The following KRAS variants were observed in gnomAD, a reference collection of about 807,000 sequenced individuals.
The protein encoded by KRAS is GTPase KRas.
A neutral mutation model predicts 21.0 loss-of-function variants in KRAS; 1 was observed. The observed-to-expected ratio is 0.05, with a 90% confidence interval of 0.02 to 0.23. The LOEUF (loss-of-function observed/expected upper bound fraction) is 0.23, where lower values mean the gene tolerates loss of function less well. KRAS is among the 10% of genes least tolerant of loss of function. The pLI, the probability that KRAS is intolerant of heterozygous loss-of-function variation, is 1.00. For missense variants in KRAS, 107 were observed against 221.8 expected (o/e 0.48, Z 3.29); for synonymous variants, 67 against 72.5 (o/e 0.92, Z 0.39).
intron 4 of KRAS, among the ~76,000 whole-genome samples, chr12:25,221,018 C>A: frequency 1.3e-5 from 1 of 78,420 alleles, no homozygotes; most frequent in Non-Finnish European, 2.4e-5. Flanking sequence ...GAGGGAGACT[C>A]TGCCTCAAAA....
intron 4 of KRAS, among the ~76,000 whole-genome samples, chr12:25,220,245 T>A (rs1456624539): frequency 6.6e-6 from 1 of 152,168 alleles, no homozygotes. Context: ...GTGAACTAGG[T>A]AACAGTCCTT....
At chr12:25,243,199 T>G (rs930438335) in intron 2 of KRAS, among the ~76,000 whole-genome samples, 1 of 152,118 alleles carries the variant, frequency 6.6e-6, no homozygotes, top group Non-Finnish European at 1.5e-5. Context: ...AACCAACTAT[T>G]TAACTACTAA....
chr12:25,217,599 G>A (rs1362495388), intron 4 of KRAS, among the ~76,000 whole-genome samples: 2 of 152,032 alleles, frequency 1.3e-5, no homozygotes, highest in East Asian at 1.9e-4. Flanking sequence ...AACTACATTC[G>A]TTGGCACTTT....
rs140046512 is a variant in KRAS at position 25,245,458 on chromosome 12, C to A, written c.-11-63G>T. 25 of 1,430,192 alleles carry A rather than the reference C, an allele frequency of 1.7e-5. No individual in the cohort carries two copies. The African/African-American group carries it at 2.8e-4, about 16-fold the overall frequency. The allele number at this position is 1,430,192 out of a possible 1,614,324, so 88.6% of individuals were successfully genotyped here. A position where few individuals can be genotyped will look rare whatever the true frequency, so the allele number is the denominator to read the frequency against. The stretch of plus-strand genomic sequence containing the variant: ...ACATGTCACACATAAGGTTAATACA[C>A]TATCAAATACTCCACCAGTACCTTT... On this transcript the variant is annotated intron_variant, in intron 1 of 4. Coordinates refer to ENST00000311936, the MANE Select transcript of KRAS (RefSeq NM_004985.5).
chr12:25,249,513 A>G (rs1456900691), intron 1 of KRAS, among the ~76,000 whole-genome samples: 1 of 139,224 alleles, frequency 7.2e-6, no homozygotes, highest in East Asian at 2.2e-4. Context: ...AATTGCTTGA[A>G]CCCAGGAGGC....
At chr12:25,248,638 T>A (rs1951720547) in intron 1 of KRAS, among the ~76,000 whole-genome samples, 1 of 152,052 alleles carries the variant, frequency 6.6e-6, no homozygotes. Flanking sequence ...ATGAGATTTT[T>A]AAAACCAAAT....
rs373149270 is a variant in KRAS at position 25,209,947 on chromosome 12, T to C, written c.451-36A>G. ...TAAAAAGTATTAAAATGTGAATATATACGATGGCTTCATGTGTACAGGTAA... is the reference window on the plus strand; with the variant it reads ...TAAAAAGTATTAAAATGTGAATATACACGATGGCTTCATGTGTACAGGTAA... On this transcript the variant is annotated intron_variant, in intron 4 of 4. Transcript: ENST00000311936. The C allele has an allele frequency of 2.0e-6, 3 of 1,518,228 alleles. No individual in the cohort carries two copies. In the African/African-American group the frequency reaches 4.2e-5, roughly 21 times the overall value. The allele number at this position is 1,518,228 out of a possible 1,614,324, so 94.0% of individuals were successfully genotyped here.
In KRAS at chr12:25,232,070, T is replaced by G. The variant is rs1951480374; in HGVS notation, c.112-4658A>C. On this transcript the variant is annotated intron_variant, in intron 2 of 4. Transcript: ENST00000311936. ...GTATATGAAAAGTCAGCCCTCCATA[T>G]CTGCATTTGGTTGGGAAAAAAACGT... is the stretch of plus-strand genomic sequence containing the variant. Among the ~76,000 whole-genome samples, 4 of 152,140 alleles carry G rather than the reference T, an allele frequency of 2.6e-5. No individual in the cohort carries two copies. The South Asian group carries it at 8.3e-4, about 32-fold the overall frequency.
chr12:25,246,259 A>C (rs61759632), intron 1 of KRAS, among the ~76,000 whole-genome samples: 1 of 152,242 alleles, frequency 6.6e-6, no homozygotes, highest in South Asian at 2.1e-4. Flanking sequence ...CTGCACAAAA[A>C]AAGATAAAGA....
intron 1 of KRAS, among the ~76,000 whole-genome samples, chr12:25,245,782 C>A (rs555627041): frequency 3.0e-4 from 46 of 152,286 alleles, no homozygotes; most frequent in African/African-American, 4.3e-4. Flanking sequence ...CTGTAGCACA[C>A]CCTCACAAAA....
At chr12:25,224,275 A>G (rs1026611334) in intron 4 of KRAS, among the ~76,000 whole-genome samples, 1 of 151,200 alleles carries the variant, frequency 6.6e-6, no homozygotes, top group Non-Finnish European at 1.5e-5. Flanking sequence ...ATGTTATTAT[A>G]GGAGATGACA....
chr12:25,222,174 A>T (rs997550263), intron 4 of KRAS, among the ~76,000 whole-genome samples: 2 of 148,302 alleles, frequency 1.3e-5, no homozygotes, highest in South Asian at 4.2e-4. Context: ...GAAAGAAAGA[A>T]AAATAAATAA....
At chr12:25,233,773 C>T (rs1209063062) in intron 2 of KRAS, 2 of 208,248 alleles carry the variant, frequency 9.6e-6, no homozygotes, top group African/African-American at 4.5e-5. Context: ...CAGTCTTGAA[C>T]GCTATAGGTA....
At chr12:25,229,480 T>G (rs1185328914) in intron 2 of KRAS, among the ~76,000 whole-genome samples, 1 of 152,184 alleles carries the variant, frequency 6.6e-6, no homozygotes, top group African/African-American at 2.4e-5. Context: ...TTTTCTTTTC[T>G]AAAAAGAGAG....
chr12:25,213,197 C>T (rs1022627954), intron 4 of KRAS, among the ~76,000 whole-genome samples: 2 of 152,146 alleles, frequency 1.3e-5, no homozygotes, highest in African/African-American at 4.8e-5. Context: ...GTGACATTCA[C>T]CTACAGTCAC....
At chr12:25,243,854 TGTCAAA>T (rs771599744) in intron 2 of KRAS, among the ~76,000 whole-genome samples, 10 of 152,216 alleles carry the variant, frequency 6.6e-5, no homozygotes, top group Non-Finnish European at 1.3e-4. Context: ...TGAATTAACT[TGTCAAA>T]AGTAAATATA....
intron 4 of KRAS, among the ~76,000 whole-genome samples, chr12:25,210,455 T>A (rs61763584): frequency 0.11 from 17,376 of 152,128 alleles, 1,344 homozygotes; most frequent in Admixed American, 0.16. Context: ...TATCAACAAG[T>A]AAACAGTATC....
Position 25,205,876 on chromosome 12 carries a change from T to A in KRAS, c.*3919A>T, listed in dbSNP as rs954406099. 8.8e-5 allele frequency: 19 copies of A among 216,802 alleles called. No homozygotes were observed. Among genetic ancestry groups the A allele is most frequent in the African/African-American group, 4.3e-4 (19 of 44,588 alleles). 13.4% of individuals were successfully genotyped at this position (216,802 alleles called of 1,614,324 possible). A position where few individuals can be genotyped will look rare whatever the true frequency, so the allele number is the denominator to read the frequency against. On this transcript the variant is annotated 3_prime_UTR_variant, in exon 5 of 5. Coordinates refer to ENST00000311936, the MANE Select transcript of KRAS (RefSeq NM_004985.5). ...TCTTTCTTTAGAAAGAAAGTTTCAT[T>A]TTATGACAGCTATTCAGTTTCTCAA...
intron 2 of KRAS, among the ~76,000 whole-genome samples, chr12:25,228,626 G>C (rs578020786): frequency 6.6e-6 from 1 of 152,018 alleles, no homozygotes; most frequent in African/African-American, 2.4e-5. Context: ...GATTACTGGG[G>C]ACTATTTGAC....
Sources: gnomAD v4.1 joint callset for allele counts (sites outside exome capture counted in the v4.1 genomes callset) on GRCh38, gnomAD v4.1.1 for gene constraint, MANE v1.5 for transcripts, NCBI Gene and HGNC (gene_info 2026-07-23, HGNC 2026-07-21) for gene names.